The following RAB27B variants were observed in gnomAD, a reference collection of about 807,000 sequenced individuals.
RAB27B encodes the protein RAB27B, member RAS oncogene family.
Under a neutral mutation model 24.6 loss-of-function variants are expected in RAB27B, and 15 were observed. The observed-to-expected ratio is 0.61, with a 90% CI of 0.41 to 0.94. The LOEUF (loss-of-function observed/expected upper bound fraction) is 0.94, where lower values mean the gene tolerates loss of function less well. Ranked by LOEUF, RAB27B falls within the 40% of genes least tolerant of loss-of-function variation. The pLI, the probability that RAB27B is intolerant of heterozygous loss-of-function variation, is 0.00. For missense variants in RAB27B, 261 were observed against 266.8 expected (o/e 0.98, Z 0.15); for synonymous variants, 105 against 92.5 (o/e 1.14, Z -0.78).
At chr18:54,768,455 A>G (rs972048086) in intron 2 of RAB27B, among the ~76,000 whole-genome samples, 8 of 152,186 alleles carry the variant, frequency 5.3e-5, no homozygotes, top group Non-Finnish European at 8.8e-5. Context: ...GTATAGATAC[A>G]TAATTTTCAT....
intron 1 of RAB27B, among the ~76,000 whole-genome samples, chr18:54,861,819 C>T (rs183645106): frequency 4.3e-4 from 65 of 152,200 alleles, no homozygotes; most frequent in African/African-American, 1.4e-3. Context: ...TAGGAAAACC[C>T]ATTTTCCTGT....
chr18:54,836,095 T>C (rs1910883136), intron 1 of RAB27B, among the ~76,000 whole-genome samples: 1 of 151,986 alleles, frequency 6.6e-6, no homozygotes, highest in Non-Finnish European at 1.5e-5. Context: ...TACACCAACC[T>C]GCAGGCTTTG....
At chr18:54,886,124 C>T (rs1913127061) in intron 4 of RAB27B, among the ~76,000 whole-genome samples, 2 of 152,146 alleles carry the variant, frequency 1.3e-5, no homozygotes, top group Non-Finnish European at 2.9e-5. Context: ...TCTACACCCA[C>T]TTCAAGTTTT....
At chr18:54,805,767 T>C (rs1226555576) in intron 2 of RAB27B, among the ~76,000 whole-genome samples, 1 of 152,220 alleles carries the variant, frequency 6.6e-6, no homozygotes, top group East Asian at 1.9e-4. Context: ...GTTTTAGTTA[T>C]TGTACGAAAC....
chr18:54,742,121 G>A (rs1327847842), intron 2 of RAB27B, among the ~76,000 whole-genome samples: 1 of 152,146 alleles, frequency 6.6e-6, no homozygotes, highest in African/African-American at 2.4e-5. Flanking sequence ...ATCTAAAGCA[G>A]TCTTATTTTT....
chr18:54,838,502 T>C (rs1026016983), intron 1 of RAB27B, among the ~76,000 whole-genome samples: 1 of 152,180 alleles, frequency 6.6e-6, no homozygotes, highest in Non-Finnish European at 1.5e-5. Context: ...TTTCTGACTA[T>C]TTAATAATTA....
chr18:54,765,582 T>C (rs1417419808), intron 2 of RAB27B, among the ~76,000 whole-genome samples: 1 of 152,200 alleles, frequency 6.6e-6, no homozygotes, highest in Non-Finnish European at 1.5e-5. Context: ...CATTTGTACC[T>C]TATGGAGACA....
intron 1 of RAB27B, among the ~76,000 whole-genome samples, chr18:54,859,440 C>T (rs576910547): frequency 6.6e-6 from 1 of 151,514 alleles, no homozygotes; most frequent in Admixed American, 6.6e-5. Flanking sequence ...AAACCATCCA[C>T]TTTCAAATAT....
intron 2 of RAB27B, among the ~76,000 whole-genome samples, chr18:54,819,391 G>A (rs1157282298): frequency 6.7e-6 from 1 of 149,352 alleles, no homozygotes; most frequent in African/African-American, 2.4e-5. Flanking sequence ...AATTAGCTAA[G>A]CATAGTGGCA....
At chr18:54,834,783 A>T (rs774916598) in intron 1 of RAB27B, among the ~76,000 whole-genome samples, 2 of 150,076 alleles carry the variant, frequency 1.3e-5, no homozygotes, top group Admixed American at 6.6e-5. Flanking sequence ...GTTTAGGGAA[A>T]AAGCATAAGA....
chr18:54,728,885 AAAAAAAAAAAAAAAACCC>A lies in RAB27B; in HGVS notation c.-20+10760_-20+10777del, dbSNP rs1256753051. On this transcript the variant is annotated intron_variant, in intron 2 of 4. Transcript: ENST00000586570. ...AGTAAGACTCTGTCTCAAAAAAAAA[AAAAAAAAAAAAAAAACCC>A]AAAAAAAAAAAAAAAAAAAACCACC... 2.4e-4 allele frequency among the ~76,000 whole-genome samples: 24 copies of A among 98,082 alleles called. 3 individuals carry two copies. The East Asian group carries it at 5.8e-3, about 24-fold the overall frequency. The allele number at this position is 98,082 out of a possible 152,430, so 64.3% of individuals were successfully genotyped here.
intron 2 of RAB27B, among the ~76,000 whole-genome samples, chr18:54,751,959 G>A (rs779076780): frequency 1.4e-4 from 21 of 152,072 alleles, no homozygotes; most frequent in Non-Finnish European, 1.8e-4. Flanking sequence ...CACTAGCTGG[G>A]GTTTCATAGT....
At chr18:54,852,108 GT>G (rs928279667) in intron 1 of RAB27B, among the ~76,000 whole-genome samples, 3 of 152,138 alleles carry the variant, frequency 2.0e-5, no homozygotes, top group African/African-American at 7.2e-5. Flanking sequence ...TTATTAATGA[GT>G]TTTTGCAGTT....
intron 1 of RAB27B, among the ~76,000 whole-genome samples, chr18:54,851,906 C>A (rs1911605174): frequency 6.6e-6 from 1 of 152,128 alleles, no homozygotes; most frequent in Admixed American, 6.5e-5. Flanking sequence ...CCTCTTTTTA[C>A]TTAATAATTA....
At chr18:54,796,205 A>G (rs2050888541) in intron 2 of RAB27B, among the ~76,000 whole-genome samples, 1 of 152,018 alleles carries the variant, frequency 6.6e-6, no homozygotes, top group Admixed American at 6.5e-5. Flanking sequence ...AGCCATGGGG[A>G]GTGCTTTTGG....
At chr18:54,830,179 T>A (rs1255062258) in intron 1 of RAB27B, among the ~76,000 whole-genome samples, 3 of 152,214 alleles carry the variant, frequency 2.0e-5, no homozygotes, top group African/African-American at 7.2e-5. Flanking sequence ...GTAACCCTAA[T>A]ATAATTGATC....
Position 54,879,355 on chromosome 18 carries a change from G to A in RAB27B, c.154-14G>A, listed in dbSNP as rs1012724639. 1.4e-5 allele frequency: 23 copies of A among 1,597,146 alleles called. No homozygotes were observed. The highest frequency in any genetic ancestry group is 1.8e-5 in the Non-Finnish European group (21 of 1,164,764). ...TCCAAAGCAACCTCAACTAATGAAC[G>A]TTGTATCTTTCAGGTTTATAATGCA... is the stretch of plus-strand genomic sequence containing the variant. On this transcript the variant is annotated splice_polypyrimidine_tract_variant and intron_variant, in intron 2 of 5. Transcript: ENST00000262094.
chr18:54,769,449 GT>G (rs144385263), intron 2 of RAB27B, among the ~76,000 whole-genome samples: 6 of 99,846 alleles, frequency 6.0e-5, no homozygotes, highest in African/African-American at 8.6e-5. Context: ...TGTCCATCTT[GT>G]TTTTTTGTTG....
At position 54,884,116 on chromosome 18, in the gene RAB27B, A is replaced by G. The variant is rs573252957; in HGVS notation, c.240-217A>G. ...AACTGTGTGTATAAAGTGCTGTGAG[A>G]TCAGAAAGCCAGGAAGTGGTCTTAA... On this transcript the variant is annotated intron_variant, in intron 3 of 5. Transcript: ENST00000262094. Among the ~76,000 whole-genome samples the G allele has an allele frequency of 3.3e-5, 5 of 152,176 alleles. No homozygotes were observed. In the South Asian group the frequency reaches 1.0e-3, roughly 32 times the overall value.
Sources: gnomAD v4.1 joint callset for allele counts (sites outside exome capture counted in the v4.1 genomes callset) on GRCh38, gnomAD v4.1.1 for gene constraint, MANE v1.5 for transcripts, NCBI Gene and HGNC (gene_info 2026-07-23, HGNC 2026-07-21) for gene names.